The following NRG3 variants were observed in gnomAD, a reference collection of about 807,000 sequenced individuals.
The protein encoded by NRG3 is pro-neuregulin-3, membrane-bound isoform.
A neutral mutation model predicts 66.9 loss-of-function variants in NRG3; 31 were observed. That is an observed-to-expected ratio of 0.46 (90% CI 0.35 to 0.63). The LOEUF is 0.63. NRG3 is among the 20% of genes least tolerant of loss of function. The pLI is 0.00. For synonymous variants in NRG3, 393 were observed against 359.4 expected (o/e 1.09, Z -1.06); for missense variants, 910 against 878.9 (o/e 1.04, Z -0.45).
intron 2 of NRG3, among the ~76,000 whole-genome samples, chr10:82,612,239 C>A (rs1200183210): frequency 1.3e-5 from 2 of 152,126 alleles, no homozygotes; most frequent in Non-Finnish European, 2.9e-5. Flanking sequence ...ATGATAGTTT[C>A]TTTTGCTCTG....
intron 1 of NRG3, among the ~76,000 whole-genome samples, chr10:81,890,190 C>T (rs1842908230): frequency 6.6e-6 from 1 of 152,274 alleles, no homozygotes; most frequent in Non-Finnish European, 1.5e-5. Context: ...CTGAACTCTG[C>T]AGGGACTGGC....
chr10:81,992,744 C>T (rs2060791826), intron 1 of NRG3, among the ~76,000 whole-genome samples: 1 of 152,146 alleles, frequency 6.6e-6, no homozygotes, highest in Non-Finnish European at 1.5e-5. Flanking sequence ...TATAGGCTCT[C>T]TCACACCATT....
At chr10:82,305,663 A>C (rs2134864962) in intron 1 of NRG3, among the ~76,000 whole-genome samples, 1 of 152,172 alleles carries the variant, frequency 6.6e-6, no homozygotes, top group East Asian at 1.9e-4. Flanking sequence ...CATGTGGAAT[A>C]TTTTACTAAT....
At chr10:82,851,973 A>G (rs2063582911) in intron 3 of NRG3, among the ~76,000 whole-genome samples, 1 of 152,136 alleles carries the variant, frequency 6.6e-6, no homozygotes, top group Non-Finnish European at 1.5e-5. Context: ...CTCTGTAGGG[A>G]AAGATATGCA....
intron 2 of NRG3, among the ~76,000 whole-genome samples, chr10:82,431,602 G>A (rs1420713714): frequency 6.6e-6 from 1 of 151,880 alleles, no homozygotes; most frequent in Non-Finnish European, 1.5e-5. Flanking sequence ...TCCACTATTC[G>A]GAAAGTGCTT....
At chr10:82,914,738 G>A (rs186534325) in intron 4 of NRG3, among the ~76,000 whole-genome samples, 212 of 149,640 alleles carry the variant, frequency 1.4e-3, no homozygotes, top group Non-Finnish European at 2.4e-3. Flanking sequence ...TCCTTCACAA[G>A]TGATTTTTAG....
At chr10:82,048,571 A>G (rs994246125) in intron 1 of NRG3, among the ~76,000 whole-genome samples, 10 of 150,230 alleles carry the variant, frequency 6.7e-5, no homozygotes, top group African/African-American at 2.4e-4. Context: ...GACACAACAT[A>G]CCAGAATCTC....
At chr10:82,367,458 C>G (rs2084608831) in intron 2 of NRG3, among the ~76,000 whole-genome samples, 1 of 151,932 alleles carries the variant, frequency 6.6e-6, no homozygotes, top group Non-Finnish European at 1.5e-5. Flanking sequence ...ATCAAACTTT[C>G]TTTGTACTAG....
intron 1 of NRG3, among the ~76,000 whole-genome samples, chr10:82,303,728 C>G (rs780050682): frequency 6.6e-6 from 1 of 151,710 alleles, no homozygotes; most frequent in Non-Finnish European, 1.5e-5. Flanking sequence ...ATTAGCCGGG[C>G]GTGGTGGCGA....
At chr10:81,943,895 C>T (rs1848606523) in intron 1 of NRG3, among the ~76,000 whole-genome samples, 1 of 152,170 alleles carries the variant, frequency 6.6e-6, no homozygotes, top group African/African-American at 2.4e-5. Flanking sequence ...TCTGAGGAAG[C>T]ATGGGAACTA....
At chr10:82,865,064 C>T (rs1338482240) in intron 3 of NRG3, among the ~76,000 whole-genome samples, 4 of 152,032 alleles carry the variant, frequency 2.6e-5, no homozygotes, top group African/African-American at 9.7e-5. Flanking sequence ...AAATATTATG[C>T]ATTCTGAAAA....
chr10:82,022,261 G>A (rs780537856), intron 1 of NRG3, among the ~76,000 whole-genome samples: 10 of 152,020 alleles, frequency 6.6e-5, no homozygotes, highest in Non-Finnish European at 1.3e-4. Context: ...AATTGAGTAG[G>A]CAGGAATAGC....
chr10:82,804,058 T>C (rs1402221020), intron 3 of NRG3, among the ~76,000 whole-genome samples: 1 of 152,190 alleles, frequency 6.6e-6, no homozygotes, highest in Admixed American at 6.5e-5. Context: ...ACTTAGTAGC[T>C]GTTTCACTTA....
chr10:82,079,562 A>G (rs2065276230), intron 1 of NRG3, among the ~76,000 whole-genome samples: 1 of 152,184 alleles, frequency 6.6e-6, no homozygotes, highest in Non-Finnish European at 1.5e-5. Context: ...ATATGTAACG[A>G]CATGCACCCA....
chr10:82,940,494 G>A (rs1439868063), intron 4 of NRG3, among the ~76,000 whole-genome samples: 3 of 151,950 alleles, frequency 2.0e-5, no homozygotes, highest in African/African-American at 7.3e-5. Flanking sequence ...CAGTAATATT[G>A]GATTAGGATC....
At chr10:82,015,017 T>C (rs2061725254) in intron 1 of NRG3, among the ~76,000 whole-genome samples, 1 of 152,084 alleles carries the variant, frequency 6.6e-6, no homozygotes, top group Non-Finnish European at 1.5e-5. Context: ...AAGCGGGAAA[T>C]GTAGGAATTT....
chr10:82,223,953 C>T (rs1264360825), intron 1 of NRG3, among the ~76,000 whole-genome samples: 1 of 152,090 alleles, frequency 6.6e-6, no homozygotes, highest in African/African-American at 2.4e-5. Flanking sequence ...TCCTTTTCTA[C>T]ATAACCTCTG....
intron 1 of NRG3, among the ~76,000 whole-genome samples, chr10:82,011,111 T>C (rs1196079697): frequency 6.6e-6 from 1 of 152,140 alleles, no homozygotes; most frequent in Non-Finnish European, 1.5e-5. Context: ...AATATAGACA[T>C]ACCTGAGACT....
chr10:82,627,934 C>T (rs138271827), intron 2 of NRG3, among the ~76,000 whole-genome samples: 124 of 152,276 alleles, frequency 8.1e-4, no homozygotes, highest in Non-Finnish European at 1.5e-3. Context: ...AGTGCTTTTC[C>T]GGAATTGCCT....
Sources: allele counts gnomAD v4.1 joint callset (sites outside exome capture counted in the v4.1 genomes callset), GRCh38; gene constraint gnomAD v4.1.1; transcripts MANE v1.5; gene names NCBI Gene and HGNC (gene_info 2026-07-23, HGNC 2026-07-21).